GRIP1: variants seen among roughly 807,000 people sequenced by gnomAD.
The protein encoded by GRIP1 is glutamate receptor-interacting protein 1.
GRIP1 carries 45 observed loss-of-function variants against 129.9 expected under a neutral mutation model. The observed-to-expected ratio is 0.35, with a 90% CI of 0.27 to 0.44. The LOEUF (loss-of-function observed/expected upper bound fraction) is 0.44. Among genes scored for constraint, GRIP1 ranks in the 20% least tolerant of loss-of-function variants. GRIP1 has a pLI of 1.00. For missense variants in GRIP1, 1,196 were observed against 1,396.8 expected (o/e 0.86, Z 2.29); for synonymous variants, 530 against 520.8 (o/e 1.02, Z -0.24).
Position 66,811,156 on chromosome 12 carries a change from A to C in GRIP1, c.59-214229T>G, listed in dbSNP as rs191263600. Among the ~76,000 whole-genome samples, 56 of 152,380 alleles carry C rather than the reference A, an allele frequency of 3.7e-4. No homozygotes were observed. In the East Asian group the frequency reaches 6.9e-3, roughly 19 times the overall value. On this transcript the variant is annotated intron_variant, in intron 1 of 1. Coordinates refer to the GRIP1 transcript ENST00000643019. Reference sequence around the variant, plus strand: ...AAATATATTAGGCTTCAAAGGGCTCAGATAACTGAGGTTATTGAGTTTTCA... The same window carrying C: ...AAATATATTAGGCTTCAAAGGGCTCCGATAACTGAGGTTATTGAGTTTTCA...
At chr12:66,792,221 A>G (rs1282044615) in intron 1 of GRIP1, among the ~76,000 whole-genome samples, 1 of 152,214 alleles carries the variant, frequency 6.6e-6, no homozygotes, top group Non-Finnish European at 1.5e-5. Context: ...CACTTTGTTC[A>G]TAACATCAAA....
intron 1 of GRIP1, among the ~76,000 whole-genome samples, chr12:66,965,549 TTGTGTGTGTGTGTG>T (rs368637185): frequency 0.17 from 21,281 of 128,286 alleles, 1,795 homozygotes; most frequent in Non-Finnish European, 0.19. Flanking sequence ...AAAAGAAACA[TTGTGTGTGTGTGTG>T]TGTGTGTGTG....
chr12:66,353,389 G>T (rs7133397), intron 24 of GRIP1, 28 bp downstream of exon 24: 3 of 1,546,162 alleles, frequency 1.9e-6, no homozygotes, highest in East Asian at 4.5e-5. Context: ...TTACTTGCAA[G>T]GAATTAAAAT....
chr12:66,725,056 C>G (rs1280819709), intron 1 of GRIP1, among the ~76,000 whole-genome samples: 1 of 152,126 alleles, frequency 6.6e-6, no homozygotes, highest in Non-Finnish European at 1.5e-5. Context: ...CTTTTGGAGG[C>G]CAAGGCAGGT....
chr12:67,023,692 G>C lies in GRIP1; in HGVS notation c.58+45358C>G, dbSNP rs117491207. Among the ~76,000 whole-genome samples the C allele has an allele frequency of 9.3e-3, 1,409 of 151,986 alleles. 9 individuals are homozygous for C. Among genetic ancestry groups the C allele is most frequent in the South Asian group, 0.022 (106 of 4,818 alleles). On this transcript the variant is annotated intron_variant, in intron 1 of 1. Coordinates refer to the GRIP1 transcript ENST00000643019. ...TTATTGGGATTACATTGAATCTATAGATTAAGCAGTGGAATCCAAAACTTC... is the reference window on the plus strand; with the variant it reads ...TTATTGGGATTACATTGAATCTATACATTAAGCAGTGGAATCCAAAACTTC...
chr12:66,965,562 T>A (rs1303210144), intron 1 of GRIP1, among the ~76,000 whole-genome samples: 2 of 105,476 alleles, frequency 1.9e-5, no homozygotes. Flanking sequence ...TGTGTGTGTG[T>A]GTGTGTGTGT....
chr12:66,895,489 G>C (rs919652897), intron 1 of GRIP1, among the ~76,000 whole-genome samples: 1 of 152,078 alleles, frequency 6.6e-6, no homozygotes, highest in African/African-American at 2.4e-5. Flanking sequence ...ATCTCTTGTA[G>C]CAGTGTGAGA....
intron 24 of GRIP1, among the ~76,000 whole-genome samples, chr12:66,351,409 C>G (rs4344534): frequency 0.013 from 2,047 of 152,210 alleles, 108 homozygotes; most frequent in Admixed American, 0.089. Flanking sequence ...TTAAAGTAAG[C>G]AAGGTTCAGC....
Position 66,392,315 on chromosome 12 carries a change from T to A in GRIP1, c.2457A>T (p.Gly819=). The change falls in exon 19 of 25, where the codon GGA becomes GGT. Residue 819 remains glycine (G), a synonymous_variant. Transcript: ENST00000359742. ...WDGSAIDTSY[G]TQGTSFQASG... is the part of the protein sequence containing the mutation. ...GACAAAGTAAAGACATACCTTGAGT[T>A]CCATAGCTGGTGTCTATTGCAGACC... The A allele has an allele frequency of 6.3e-7, 1 of 1,597,448 alleles. No homozygotes were observed. The highest frequency in any genetic ancestry group is 8.6e-7 in the Non-Finnish European group (1 of 1,164,678).
At chr12:66,577,215 G>A (rs947096228) in intron 2 of GRIP1, among the ~76,000 whole-genome samples, 1 of 152,228 alleles carries the variant, frequency 6.6e-6, no homozygotes, top group Non-Finnish European at 1.5e-5. Flanking sequence ...GACTGACTTT[G>A]GGGAAGCTCA....
intron 1 of GRIP1, among the ~76,000 whole-genome samples, chr12:67,065,661 T>C (rs961505200): frequency 6.6e-6 from 1 of 152,224 alleles, no homozygotes; most frequent in Non-Finnish European, 1.5e-5. Context: ...TATGGTTGAT[T>C]TTCTATCCTA....
intron 1 of GRIP1, among the ~76,000 whole-genome samples, chr12:66,645,229 C>T (rs1279687853): frequency 2.6e-5 from 4 of 152,136 alleles, no homozygotes; most frequent in African/African-American, 9.7e-5. Context: ...AGTTCAATCT[C>T]CTTATCTTAT....
intron 1 of GRIP1, among the ~76,000 whole-genome samples, chr12:66,859,240 C>A (rs2040058919): frequency 1.9e-5 from 2 of 106,922 alleles, no homozygotes; most frequent in Non-Finnish European, 2.0e-5. Flanking sequence ...AAAAGACTAG[C>A]ATATTCTCCA....
At position 66,371,741 on chromosome 12, in the gene GRIP1, G is replaced by T; in HGVS notation, c.2965C>A (p.Gln989Lys). 1.9e-6 allele frequency: 3 copies of T among 1,613,864 alleles called. No individual in the cohort carries two copies. The highest frequency in any genetic ancestry group is 2.5e-6 in the Non-Finnish European group (3 of 1,179,780). Reference sequence around the variant, plus strand: ...GGAGACATGATCTCCTTTATTTCTTGTTTCATTTTTCTCAGGGTTACTGAC... The same window carrying T: ...GGAGACATGATCTCCTTTATTTCTTTTTTCATTTTTCTCAGGGTTACTGAC... ...RKSVTLRKMK[Q>K]EIKEIMSPTP... The change falls in exon 23 of 25, where the codon CAA becomes AAA. Residue 989 changes from glutamine (Q) to lysine (K), a missense_variant. By Grantham distance (53) the Gln-to-Lys change is moderately conservative (BLOSUM62 1). Around this residue, in one of 5 missense-constraint regions of GRIP1, gnomAD observed 427 missense variants for 463.3 expected, o/e 0.92. Transcript: ENST00000359742.
chr12:66,984,068 G>A (rs1417767120), intron 1 of GRIP1, among the ~76,000 whole-genome samples: 1 of 152,124 alleles, frequency 6.6e-6, no homozygotes, highest in Non-Finnish European at 1.5e-5. Context: ...GAACAAACCC[G>A]GGAGAAGCAA....
At chr12:66,984,827 C>T (rs2042287912) in intron 1 of GRIP1, among the ~76,000 whole-genome samples, 1 of 152,178 alleles carries the variant, frequency 6.6e-6, no homozygotes, top group Non-Finnish European at 1.5e-5. Context: ...ATATGCTAGC[C>T]ATGCATTCTG....
intron 1 of GRIP1, among the ~76,000 whole-genome samples, chr12:66,736,883 A>T (rs2036619811): frequency 6.6e-6 from 1 of 151,960 alleles, no homozygotes; most frequent in African/African-American, 2.4e-5. Flanking sequence ...TTGAATATAC[A>T]TCAGTGCTTG....
intron 7 of GRIP1, among the ~76,000 whole-genome samples, chr12:66,482,559 A>T (rs1162003811): frequency 6.6e-6 from 1 of 152,222 alleles, no homozygotes; most frequent in Non-Finnish European, 1.5e-5. Context: ...TCCCCACAAC[A>T]ACATCAAAGC....
At chr12:66,377,130 AT>A (rs771673286) in intron 21 of GRIP1, 43 bp downstream of exon 21, 1 of 1,562,294 alleles carries the variant, frequency 6.4e-7, no homozygotes, top group South Asian at 1.1e-5. Context: ...ACCAAAAAAA[AT>A]GAATGTAGAA....
Sources: allele counts gnomAD v4.1 joint callset (sites outside exome capture counted in the v4.1 genomes callset), GRCh38; gene constraint gnomAD v4.1.1; regional missense constraint gnomAD v4.1.1; transcripts MANE v1.5; gene names NCBI Gene and HGNC (gene_info 2026-07-23, HGNC 2026-07-21).